Variants in DPP10 observed in about 807,000 individuals in gnomAD.
The protein encoded by DPP10 is dipeptidyl peptidase like 10.
In DPP10, 33 loss-of-function variants were observed where a neutral mutation model predicts 120.9. The ratio of observed to expected loss-of-function variants is 0.27; its 90% CI spans 0.21 to 0.37. DPP10 has a LOEUF of 0.37. DPP10 is among the 10% of genes least tolerant of loss of function. The probability of loss-of-function intolerance (pLI) is 1.00; values close to 1 mark genes in which losing one functional copy is unlikely to be tolerated. For missense variants in DPP10, 816 were observed against 942.8 expected (o/e 0.87, Z 1.76); for synonymous variants, 337 against 326.1 (o/e 1.03, Z -0.36).
rs374739474 is a variant in DPP10, at chr2:115,720,511, T to C, written c.577-7305T>C. On this transcript the variant is annotated intron_variant, in intron 7 of 25. Transcript: ENST00000410059. ...AATATAAAGGTTTTGCAACAGCTTA[T>C]GTAGATGATGGAATTCAAGGTGTCT... Among the ~76,000 whole-genome samples the C allele has an allele frequency of 5.3e-5, 8 of 152,222 alleles. No homozygotes were observed. In the East Asian group the frequency reaches 1.4e-3, roughly 26 times the overall value.
At chr2:115,435,055 T>C (rs1420806037) in intron 3 of DPP10, among the ~76,000 whole-genome samples, 2 of 23,888 alleles carry the variant, frequency 8.4e-5, no homozygotes, top group Non-Finnish European at 3.1e-4. Flanking sequence ...TGCACACATA[T>C]ATATATATAT....
chr2:114,861,867 T>C (rs1442789438), intron 1 of DPP10, among the ~76,000 whole-genome samples: 1 of 152,196 alleles, frequency 6.6e-6, no homozygotes, highest in East Asian at 1.9e-4. Flanking sequence ...GCATGTGTAA[T>C]ACAAGGTGCT....
intron 1 of DPP10, among the ~76,000 whole-genome samples, chr2:114,717,269 G>A (rs1045344064): frequency 6.6e-6 from 1 of 152,186 alleles, no homozygotes; most frequent in African/African-American, 2.4e-5. Context: ...ATCCTTCAGA[G>A]TAGGTCTGCG....
chr2:115,737,435 G>T (rs1676690254), intron 8 of DPP10, among the ~76,000 whole-genome samples: 1 of 152,094 alleles, frequency 6.6e-6, no homozygotes, highest in Admixed American at 6.6e-5. Flanking sequence ...GGAAAGAGCT[G>T]CCCTTGAAAT....
chr2:115,032,493 GA>G (rs1703907749), intron 1 of DPP10, among the ~76,000 whole-genome samples: 1 of 152,140 alleles, frequency 6.6e-6, no homozygotes, highest in Non-Finnish European at 1.5e-5. Flanking sequence ...ATAATCAACT[GA>G]GTGTTAATAG....
intron 1 of DPP10, among the ~76,000 whole-genome samples, chr2:115,157,572 T>C (rs1182201244): frequency 6.6e-6 from 1 of 152,220 alleles, no homozygotes; most frequent in African/African-American, 2.4e-5. Context: ...TGTTATAGTT[T>C]ACTGGTTAGA....
At chr2:115,309,435 A>G (rs2061492812) in intron 2 of DPP10, 82 bp downstream of exon 2, 2 of 1,362,790 alleles carry the variant, frequency 1.5e-6, no homozygotes, top group East Asian at 2.3e-5. Flanking sequence ...GAGGGTAGCA[A>G]TATGTGGTAT....
At chr2:114,802,550 A>T (rs1218502958) in intron 1 of DPP10, among the ~76,000 whole-genome samples, 1 of 152,202 alleles carries the variant, frequency 6.6e-6, no homozygotes, top group South Asian at 2.1e-4. Context: ...GCCAGAACGA[A>T]ATAACCGAGG....
chr2:115,014,344 A>G (rs1702480139), intron 1 of DPP10, among the ~76,000 whole-genome samples: 1 of 152,246 alleles, frequency 6.6e-6, no homozygotes, highest in Non-Finnish European at 1.5e-5. Flanking sequence ...AAGCTAAAAC[A>G]TAGTTTAGAG....
In DPP10 at chr2:114,553,863, T is replaced by C. The variant is rs149254408; in HGVS notation, c.60+111025T>C. ...AATAATTAATTCAACAACTATTTAC[T>C]GAGCAGCTTCCACTGTTTCAGGATT... On this transcript the variant is annotated intron_variant, in intron 1 of 25. Transcript: ENST00000410059. 3.7e-4 allele frequency among the ~76,000 whole-genome samples: 57 copies of C among 152,372 alleles called. 1 individual carries two copies. The East Asian group carries it at 8.9e-3, about 24-fold the overall frequency.
At position 115,274,998 on chromosome 2, in the gene DPP10, A is replaced by G. The variant is rs560096322; in HGVS notation, c.61-34241A>G. ...TTTTGTTTTCTTTTATATTAGAAAT[A>G]GTCCATGGCATCTTGACAAGGTGTT... On this transcript the variant is annotated intron_variant, in intron 1 of 25. Transcript: ENST00000410059. Among the ~76,000 whole-genome samples the G allele has an allele frequency of 2.7e-4, 41 of 152,332 alleles. No individual in the cohort carries two copies. The East Asian group carries it at 7.7e-3, about 29-fold the overall frequency.
intron 1 of DPP10, among the ~76,000 whole-genome samples, chr2:114,632,422 G>C (rs1694989860): frequency 1.3e-5 from 2 of 150,348 alleles, no homozygotes; most frequent in Non-Finnish European, 1.5e-5. Context: ...GTATTTATCA[G>C]AGAGTTTTTC....
chr2:114,578,607 C>T (rs906968061), intron 1 of DPP10, among the ~76,000 whole-genome samples: 13 of 152,244 alleles, frequency 8.5e-5, no homozygotes, highest in Admixed American at 7.2e-4. Context: ...ACTTAGCTCA[C>T]GACAGAAGGA....
intron 1 of DPP10, among the ~76,000 whole-genome samples, chr2:114,684,155 C>T (rs771453810): frequency 1.1e-4 from 16 of 151,912 alleles, no homozygotes; most frequent in Non-Finnish European, 1.8e-4. Context: ...TGATGGCTGG[C>T]TGTAGTGGGT....
At chr2:115,468,121 A>T (rs1416308663) in intron 3 of DPP10, 3 of 488,260 alleles carry the variant, frequency 6.1e-6, no homozygotes, top group Non-Finnish European at 1.2e-5. Flanking sequence ...TTACAGCAGG[A>T]ACCCACTTAG....
chr2:115,674,437 C>T (rs2090126159), intron 5 of DPP10, among the ~76,000 whole-genome samples: 2 of 149,618 alleles, frequency 1.3e-5, no homozygotes, highest in Admixed American at 6.7e-5. Context: ...TGCTGTAAAT[C>T]GTATGTACTC....
chr2:114,736,373 C>T (rs1042417570), intron 1 of DPP10, among the ~76,000 whole-genome samples: 6 of 152,016 alleles, frequency 3.9e-5, no homozygotes, highest in Non-Finnish European at 8.8e-5. Flanking sequence ...CATGATTCCT[C>T]GCTTATTGTT....
chr2:114,744,234 A>G (rs1678346207), intron 1 of DPP10, among the ~76,000 whole-genome samples: 1 of 152,216 alleles, frequency 6.6e-6, no homozygotes, highest in South Asian at 2.1e-4. Context: ...TCTATGGGCA[A>G]CAAGGAGTCA....
intron 5 of DPP10, among the ~76,000 whole-genome samples, chr2:115,584,372 T>G (rs1193013777): frequency 6.7e-6 from 1 of 149,664 alleles, no homozygotes; most frequent in African/African-American, 2.5e-5. Context: ...CTGCAAGCAA[T>G]AAAATAAAGA....
Sources: gnomAD v4.1 joint callset for allele counts (sites outside exome capture counted in the v4.1 genomes callset) on GRCh38, gnomAD v4.1.1 for gene constraint, MANE v1.5 for transcripts, NCBI Gene and HGNC (gene_info 2026-07-23, HGNC 2026-07-21) for gene names.